The following SENP6 variants were observed in gnomAD, a reference collection of about 807,000 sequenced individuals.
SENP6 encodes the protein sentrin-specific protease 6.
SENP6 carries 41 observed loss-of-function variants against 134.5 expected under a neutral mutation model. The ratio of observed to expected loss-of-function variants is 0.30; its 90% CI spans 0.24 to 0.40. SENP6 has a LOEUF of 0.40. Ranked by LOEUF, SENP6 falls within the 10% of genes least tolerant of loss-of-function variation. The pLI, the probability that SENP6 is intolerant of heterozygous loss-of-function variation, is 1.00. For synonymous variants in SENP6, 395 were observed against 429.8 expected (o/e 0.92, Z 1.00); for missense variants, 1,248 against 1,312.5 (o/e 0.95, Z 0.76).
intron 1 of SENP6, among the ~76,000 whole-genome samples, chr6:75,604,216 A>G (rs949340420): frequency 6.6e-6 from 1 of 152,256 alleles, no homozygotes. Flanking sequence ...GTTTCAAACT[A>G]CTACTTTTAC....
rs2149865184 is a variant in SENP6, at chr6:75,663,471, C to G, written c.947C>G (p.Thr316Arg). ...ILPGAKIPKI[T>R]NLKERKTSLS... ...CCTGGGGCAAAAATACCCAAAATCACAAACTTGAAAGAAAGGAAAACAAGT... is the reference window on the plus strand; with the variant it reads ...CCTGGGGCAAAAATACCCAAAATCAGAAACTTGAAAGAAAGGAAAACAAGT... The change falls in exon 9 of 24, where the codon ACA (threonine) becomes AGA (arginine). Residue 316 changes from threonine (T) to arginine (R), a missense_variant. Coordinates refer to ENST00000447266, the MANE Select transcript of SENP6 (RefSeq NM_015571.4). 4 of 1,612,676 alleles carry G rather than the reference C, an allele frequency of 2.5e-6. No homozygotes were observed. Among genetic ancestry groups the G allele is most frequent in the Non-Finnish European group, 3.4e-6 (4 of 1,179,688 alleles).
intron 1 of SENP6, among the ~76,000 whole-genome samples, chr6:75,614,858 G>T (rs1767731421): frequency 6.6e-6 from 1 of 152,118 alleles, no homozygotes; most frequent in African/African-American, 2.4e-5. Context: ...TTAAGGGAGT[G>T]CCTTTCTATT....
intron 3 of SENP6, among the ~76,000 whole-genome samples, chr6:75,626,335 C>CTT (rs200233021): frequency 1.1e-3 from 166 of 149,466 alleles, no homozygotes; most frequent in African/African-American, 4.0e-3. Flanking sequence ...TGTGGCTTAG[C>CTT]TTTTTATATA....
At chr6:75,630,367 C>T (rs1295689586) in intron 3 of SENP6, among the ~76,000 whole-genome samples, 1 of 152,124 alleles carries the variant, frequency 6.6e-6, no homozygotes, top group East Asian at 1.9e-4. Flanking sequence ...GCTCGGCCAA[C>T]ATTTTAGGTA....
At chr6:75,664,791 G>A (rs1474077426) in intron 9 of SENP6, among the ~76,000 whole-genome samples, 9 of 152,114 alleles carry the variant, frequency 5.9e-5, no homozygotes, top group Admixed American at 3.3e-4. Context: ...TAAAGTCAAC[G>A]CATGACTTTT....
At chr6:75,711,744 C>A (rs1775758191) in intron 21 of SENP6, among the ~76,000 whole-genome samples, 1 of 152,242 alleles carries the variant, frequency 6.6e-6, no homozygotes, top group Admixed American at 6.5e-5. Flanking sequence ...ACGATCCCAG[C>A]TCACCACAAC....
chr6:75,687,122 T>A (rs1773898382), intron 16 of SENP6, among the ~76,000 whole-genome samples: 1 of 152,174 alleles, frequency 6.6e-6, no homozygotes, highest in Non-Finnish European at 1.5e-5. Context: ...TCTAACCTTG[T>A]CTTCTCACTT....
In SENP6 at chr6:75,663,231, G is replaced by C; in HGVS notation, c.707G>C (p.Arg236Thr). 6.2e-7 allele frequency: 1 copy of C among 1,608,522 alleles called. No individual in the cohort carries two copies. The highest frequency in any genetic ancestry group is 8.5e-7 in the Non-Finnish European group (1 of 1,178,728). The change falls in exon 9 of 24, where the codon AGA becomes ACA. Residue 236 changes from arginine to threonine, a missense_variant. By Grantham distance (71) the Arg-to-Thr change is moderately conservative. This residue lies in a region of SENP6 where 733 missense variants were observed against 725.4 expected (regional missense o/e 1.01). Transcript: ENST00000447266. ...GTTCTTTTTTCTAAGGATTTGCAAA[G>C]AAATTGCAGACAAGCTATTACTTTG... ...KCLTHLEDLQ[R>T]NCRQAITLNE... is the part of the protein sequence containing the mutation.
chr6:75,611,344 A>G (rs945497753), intron 1 of SENP6: 36 of 152,232 alleles, frequency 2.4e-4, no homozygotes, highest in African/African-American at 8.7e-4. Flanking sequence ...TCATAATAGC[A>G]GTTAAGTCTG....
At chr6:75,669,077 C>T (rs764791896) in intron 10 of SENP6, among the ~76,000 whole-genome samples, 2 of 152,158 alleles carry the variant, frequency 1.3e-5, no homozygotes, top group African/African-American at 4.8e-5. Flanking sequence ...AGGCCGGATG[C>T]GGTGGCTCAC....
chr6:75,677,317 T>C (rs1212969519), intron 14 of SENP6, 61 bp downstream of exon 14: 11 of 1,125,962 alleles, frequency 9.8e-6, no homozygotes, highest in South Asian at 1.6e-5. Flanking sequence ...AAGGGAAATA[T>C]GTTTTATTTT....
At chr6:75,617,263 C>CA (rs1767922357) in intron 1 of SENP6, among the ~76,000 whole-genome samples, 1 of 58,092 alleles carries the variant, frequency 1.7e-5, no homozygotes, top group Non-Finnish European at 3.1e-5. Context: ...TTCTTTCTTT[C>CA]TTTTTTTTTT....
At chr6:75,652,492 T>C (rs540065561) in intron 7 of SENP6, among the ~76,000 whole-genome samples, 1 of 151,428 alleles carries the variant, frequency 6.6e-6, no homozygotes, top group African/African-American at 2.4e-5. Flanking sequence ...GAAATAAAAT[T>C]TGGGGGACAA....
At chr6:75,674,092 C>G (rs139086636) in intron 11 of SENP6, among the ~76,000 whole-genome samples, 4 of 150,102 alleles carry the variant, frequency 2.7e-5, no homozygotes, top group African/African-American at 9.8e-5. Flanking sequence ...TAACATTTTT[C>G]CAAAACATAT....
intron 1 of SENP6, among the ~76,000 whole-genome samples, chr6:75,605,868 A>G (rs939556163): frequency 2.6e-5 from 4 of 152,174 alleles, no homozygotes; most frequent in Non-Finnish European, 5.9e-5. Context: ...AATTAGGATA[A>G]TATTGTAGTA....
At chr6:75,658,276 A>G (rs1383794011) in intron 7 of SENP6, among the ~76,000 whole-genome samples, 1 of 152,214 alleles carries the variant, frequency 6.6e-6, no homozygotes, top group Non-Finnish European at 1.5e-5. Flanking sequence ...TGCACTAAGC[A>G]AGAATAATTA....
At position 75,677,284 on chromosome 6, in the gene SENP6, T is replaced by G. The variant is rs769774947; in HGVS notation, c.1848+28T>G. On this transcript the variant is annotated intron_variant, in intron 14 of 23. Transcript: ENST00000447266. ...AATTATGTTTTTTAATTTAAAAATA[T>G]TCTTAAATTGTGGGTAGTTTTAAAG... 18 of 1,420,372 alleles carry G rather than the reference T, an allele frequency of 1.3e-5. 1 individual carries two copies. In the East Asian group the frequency reaches 4.3e-4, roughly 34 times the overall value. 88.0% of individuals were successfully genotyped at this position (1,420,372 alleles called of 1,614,324 possible). A position where few individuals can be genotyped will look rare whatever the true frequency, so the allele number is the denominator to read the frequency against.
At chr6:75,710,895 C>G (rs186535958) in intron 20 of SENP6, among the ~76,000 whole-genome samples, 1 of 152,052 alleles carries the variant, frequency 6.6e-6, no homozygotes, top group East Asian at 1.9e-4. Context: ...TTCCAAAAAC[C>G]CTTTAAATAT....
At chr6:75,682,328 A>G (rs1490870682) in intron 16 of SENP6, among the ~76,000 whole-genome samples, 1 of 152,200 alleles carries the variant, frequency 6.6e-6, no homozygotes, top group Non-Finnish European at 1.5e-5. Context: ...AACAACTAGA[A>G]AGAAAATCAA....
Sources: gnomAD v4.1 joint callset for allele counts (sites outside exome capture counted in the v4.1 genomes callset) on GRCh38, gnomAD v4.1.1 for gene constraint, gnomAD v4.1.1 regional missense constraint, MANE v1.5 for transcripts, NCBI Gene and HGNC (gene_info 2026-07-23, HGNC 2026-07-21) for gene names.